MAGI1: variants seen among roughly 807,000 people sequenced by gnomAD.
MAGI1 encodes membrane-associated guanylate kinase, WW and PDZ domain-containing protein 1.
Under a neutral mutation model 139.9 loss-of-function variants are expected in MAGI1, and 58 were observed. The ratio of observed to expected loss-of-function variants is 0.41; its 90% CI spans 0.34 to 0.52. The LOEUF (loss-of-function observed/expected upper bound fraction) is 0.52. Ranked by LOEUF, MAGI1 falls within the 20% of genes least tolerant of loss-of-function variation. The probability of loss-of-function intolerance (pLI) is 0.12; values close to 1 mark genes in which losing one functional copy is unlikely to be tolerated. For synonymous variants in MAGI1, 812 were observed against 737.9 expected, an observed-to-expected ratio of 1.10 and a Z score of -1.63; for missense variants, 1,874 against 1,901.6, an observed-to-expected ratio of 0.99 and a Z score of 0.27.
chr3:65,854,930 C>T (rs1425547852), intron 1 of MAGI1, among the ~76,000 whole-genome samples: 3 of 152,244 alleles, frequency 2.0e-5, no homozygotes, highest in Non-Finnish European at 4.4e-5. Flanking sequence ...TAATCAAGGG[C>T]TGCAAAGTCA....
intron 1 of MAGI1, among the ~76,000 whole-genome samples, chr3:65,929,941 G>C (rs1300947779): frequency 6.6e-6 from 1 of 152,284 alleles, no homozygotes; most frequent in East Asian, 1.9e-4. Context: ...GAACCAAGTT[G>C]CAGTTTCCTT....
At chr3:66,020,411 C>G (rs2067899448) in intron 1 of MAGI1, among the ~76,000 whole-genome samples, 1 of 152,108 alleles carries the variant, frequency 6.6e-6, no homozygotes, top group Non-Finnish European at 1.5e-5. Context: ...GCCTCGGTGA[C>G]AGAGCGAGAC....
intron 1 of MAGI1, among the ~76,000 whole-genome samples, chr3:65,929,495 C>T (rs2062689339): frequency 6.6e-6 from 1 of 152,022 alleles, no homozygotes; most frequent in African/African-American, 2.4e-5. Context: ...CTACCATGCC[C>T]AGCTAATTTT....
At chr3:65,973,088 T>C (rs2065085392) in intron 1 of MAGI1, among the ~76,000 whole-genome samples, 2 of 152,156 alleles carry the variant, frequency 1.3e-5, no homozygotes, top group Admixed American at 6.5e-5. Flanking sequence ...AGTTGGAGGC[T>C]GCAGTGAGCT....
At chr3:65,639,865 G>A (rs1272845824) in intron 1 of MAGI1, among the ~76,000 whole-genome samples, 1 of 151,978 alleles carries the variant, frequency 6.6e-6, no homozygotes, top group African/African-American at 2.4e-5. Flanking sequence ...AGCCAGGCGT[G>A]GTGGTGCATG....
At chr3:65,725,552 C>T (rs1208213678) in intron 1 of MAGI1, among the ~76,000 whole-genome samples, 1 of 152,126 alleles carries the variant, frequency 6.6e-6, no homozygotes, top group Non-Finnish European at 1.5e-5. Flanking sequence ...GGCTCGACAA[C>T]TTGGTCACTG....
chr3:65,462,530 T>C (rs963379874), intron 5 of MAGI1, among the ~76,000 whole-genome samples: 2 of 152,216 alleles, frequency 1.3e-5, no homozygotes, highest in African/African-American at 4.8e-5. Flanking sequence ...AGCCTTGTAG[T>C]ATAGTTTAAA....
intron 1 of MAGI1, among the ~76,000 whole-genome samples, chr3:65,721,293 G>A (rs73832934): frequency 0.011 from 1,730 of 152,246 alleles, 32 homozygotes; most frequent in African/African-American, 0.04. Context: ...CACTAGGCCC[G>A]AAGGGCTGGG....
At chr3:65,581,013 G>A (rs2081393677) in intron 2 of MAGI1, among the ~76,000 whole-genome samples, 1 of 152,066 alleles carries the variant, frequency 6.6e-6, no homozygotes, top group Admixed American at 6.6e-5. Flanking sequence ...GCAAAAGTCA[G>A]GATATTAATA....
At chr3:65,382,813 G>C (rs1271360390) in intron 15 of MAGI1, among the ~76,000 whole-genome samples, 1 of 152,280 alleles carries the variant, frequency 6.6e-6, no homozygotes, top group Middle Eastern at 3.4e-3. Flanking sequence ...TTTCCTTGAT[G>C]TGAAAACGGG....
intron 1 of MAGI1, among the ~76,000 whole-genome samples, chr3:65,697,449 G>A (rs1351148292): frequency 7.0e-6 from 1 of 143,348 alleles, no homozygotes; most frequent in Non-Finnish European, 1.5e-5. Flanking sequence ...CAATATCCTT[G>A]ATGAACATTG....
intron 1 of MAGI1, among the ~76,000 whole-genome samples, chr3:65,818,571 T>C (rs1237532072): frequency 6.6e-6 from 1 of 152,176 alleles, no homozygotes; most frequent in East Asian, 1.9e-4. Flanking sequence ...AGAGCACTGC[T>C]GGCCCAAGAA....
chr3:65,758,147 C>T (rs9882933), intron 1 of MAGI1, among the ~76,000 whole-genome samples: 2,006 of 152,248 alleles, frequency 0.013, 49 homozygotes, highest in African/African-American at 0.046. Context: ...GATAAATCTC[C>T]CAGTCCTAGT....
At chr3:65,718,201 C>CT (rs947505939) in intron 1 of MAGI1, among the ~76,000 whole-genome samples, 18 of 149,050 alleles carry the variant, frequency 1.2e-4, no homozygotes, top group African/African-American at 2.9e-4. Context: ...TCAACACAAA[C>CT]TTTTTTTTTT....
chr3:65,827,892 T>C (rs971448893), intron 1 of MAGI1, among the ~76,000 whole-genome samples: 23 of 152,320 alleles, frequency 1.5e-4, no homozygotes, highest in Admixed American at 1.4e-3. Context: ...AATTTTTTAA[T>C]GTTATATGTA....
chr3:65,730,599 G>A (rs1433052220), intron 1 of MAGI1, among the ~76,000 whole-genome samples: 2 of 152,266 alleles, frequency 1.3e-5, no homozygotes, highest in East Asian at 3.9e-4. Context: ...GATTCACGAC[G>A]TATGACCTGG....
chr3:65,900,556 TACTC>T (rs1414697135), intron 1 of MAGI1, among the ~76,000 whole-genome samples: 1 of 152,144 alleles, frequency 6.6e-6, no homozygotes, highest in Non-Finnish European at 1.5e-5. Flanking sequence ...CACATATAAA[TACTC>T]ACCATTTGAC....
intron 1 of MAGI1, among the ~76,000 whole-genome samples, chr3:65,780,731 T>C (rs1021281825): frequency 6.6e-6 from 1 of 152,112 alleles, no homozygotes; most frequent in Non-Finnish European, 1.5e-5. Context: ...ATAAAAAACG[T>C]AGGAAAATTA....
intron 1 of MAGI1, among the ~76,000 whole-genome samples, chr3:65,751,589 A>G (rs535602604): frequency 6.6e-6 from 1 of 152,186 alleles, no homozygotes; most frequent in African/African-American, 2.4e-5. Context: ...TTGTCATTTA[A>G]TAGAGGCCTT....
Sources: gnomAD v4.1 joint callset for allele counts (sites outside exome capture counted in the v4.1 genomes callset) on GRCh38, gnomAD v4.1.1 for gene constraint, MANE v1.5 for transcripts, NCBI Gene and HGNC (gene_info 2026-07-23, HGNC 2026-07-21) for gene names.